WWOX: variants seen among roughly 807,000 people sequenced by gnomAD.
WWOX encodes the protein WW domain containing oxidoreductase, also known as WW domain-containing oxidoreductase.
A neutral mutation model predicts 46.2 loss-of-function variants in WWOX; 69 were observed. The ratio of observed to expected loss-of-function variants is 1.49; its 90% CI spans 1.23 to 1.82. WWOX has a LOEUF of 1.82. Among genes scored for constraint, WWOX ranks in the 40% most tolerant of loss-of-function variants. The probability of loss-of-function intolerance (pLI) is 0.00; values close to 1 mark genes in which losing one functional copy is unlikely to be tolerated. For synonymous variants in WWOX, 359 were observed against 202.6 expected, an observed-to-expected ratio of 1.77 and a Z score of -6.56; for missense variants, 919 against 542.6, an observed-to-expected ratio of 1.69 and a Z score of -6.89.
At chr16:78,395,784 C>G (rs1238024251) in intron 6 of WWOX, among the ~76,000 whole-genome samples, 2 of 149,976 alleles carry the variant, frequency 1.3e-5, no homozygotes, top group Non-Finnish European at 3.0e-5. Context: ...TTCTTTTTTG[C>G]TATTCTTTTG....
chr16:79,150,461 G>T (rs1223369334), intron 8 of WWOX, among the ~76,000 whole-genome samples: 1 of 152,114 alleles, frequency 6.6e-6, no homozygotes, highest in Non-Finnish European at 1.5e-5. Context: ...ATGATAAATG[G>T]TGCTAAATCT....
chr16:79,076,155 A>T (rs2150573918), intron 8 of WWOX, among the ~76,000 whole-genome samples: 1 of 152,360 alleles, frequency 6.6e-6, no homozygotes, highest in East Asian at 1.9e-4. Flanking sequence ...TCTCAAAGGA[A>T]TATTATGAGG....
chr16:78,754,422 G>T (rs1471015974), intron 8 of WWOX, among the ~76,000 whole-genome samples: 1 of 152,124 alleles, frequency 6.6e-6, no homozygotes, highest in African/African-American at 2.4e-5. Context: ...TTGTAGATCA[G>T]GGTTTTGAAG....
At position 78,479,783 on chromosome 16, in the gene WWOX, T is replaced by A. The variant is rs75743796; in HGVS notation, c.1056+47031T>A. Among the ~76,000 whole-genome samples the A allele has an allele frequency of 9.4e-3, 1,426 of 151,206 alleles. 27 individuals carry two copies. The highest frequency in any genetic ancestry group is 0.033 in the African/African-American group (1,357 of 41,130). On this transcript the variant is annotated intron_variant, in intron 8 of 8. Transcript: ENST00000566780. Reference sequence around the variant, plus strand: ...GTGGTCAAAGGCAGGATTCATGGAGTTTTCCAAGATAAGATTCAAGACCCA... The same window carrying A: ...GTGGTCAAAGGCAGGATTCATGGAGATTTCCAAGATAAGATTCAAGACCCA...
chr16:78,324,835 T>C (rs933757725), intron 5 of WWOX, among the ~76,000 whole-genome samples: 2 of 152,152 alleles, frequency 1.3e-5, no homozygotes, highest in Admixed American at 6.5e-5. Context: ...TGAAAATGTT[T>C]TGCAATTGTC....
chr16:78,938,962 T>G (rs968176889), intron 8 of WWOX, among the ~76,000 whole-genome samples: 2 of 152,082 alleles, frequency 1.3e-5, no homozygotes, highest in Admixed American at 1.3e-4. Flanking sequence ...AAAGGTAGAA[T>G]ATGAAGTGTA....
intron 5 of WWOX, among the ~76,000 whole-genome samples, chr16:78,208,113 T>G (rs1471245196): frequency 6.6e-6 from 1 of 152,216 alleles, no homozygotes; most frequent in Non-Finnish European, 1.5e-5. Flanking sequence ...CCATCTGGCC[T>G]CAGCAGTGCT....
In WWOX at chr16:78,831,901, G is replaced by A. The variant is rs999226539; in HGVS notation, c.1057-379707G>A. 4.6e-5 allele frequency among the ~76,000 whole-genome samples: 7 copies of A among 152,248 alleles called. 1 individual carries two copies. Among genetic ancestry groups the A allele is most frequent in the Admixed American group, 2.0e-4 (3 of 15,296 alleles). On this transcript the variant is annotated intron_variant, in intron 8 of 8. Transcript: ENST00000566780. ...AGGTTCGCATATTGGTGATCTCGTC[G>A]TAATTTTCTCAAATACCCTTCCTCT...
intron 5 of WWOX, among the ~76,000 whole-genome samples, chr16:78,375,873 A>G (rs1231077183): frequency 8.8e-6 from 1 of 113,664 alleles, no homozygotes; most frequent in Non-Finnish European, 1.8e-5. Flanking sequence ...TTTTTTTTTG[A>G]CGGAGTCTTG....
Position 78,715,510 on chromosome 16 carries a change from G to A in WWOX, c.1056+282758G>A, listed in dbSNP as rs138959689. Among the ~76,000 whole-genome samples, 787 of 136,574 alleles carry A rather than the reference G, an allele frequency of 5.8e-3. 3 individuals are homozygous for A. The highest frequency in any genetic ancestry group is 0.022 in the Middle Eastern group (6 of 274). The allele number at this position is 136,574 out of a possible 152,430, so 89.6% of individuals were successfully genotyped here. A position where few individuals can be genotyped will look rare whatever the true frequency, so the allele number is the denominator to read the frequency against. ...TTTTGTTTTTGTTTTTTAAGATGAA[G>A]CCTCACTCTGTTGTCCAGGCTGGAG... On this transcript the variant is annotated intron_variant, in intron 8 of 8. Coordinates refer to ENST00000566780, the MANE Select transcript of WWOX (RefSeq NM_016373.4).
intron 8 of WWOX, chr16:78,757,093 G>T (rs564504066): frequency 1.4e-6 from 1 of 691,244 alleles, no homozygotes; most frequent in Non-Finnish European, 2.6e-6. Flanking sequence ...CTGCAATCTT[G>T]ACTGGAACTT....
chr16:78,887,143 G>T (rs1337281417), intron 8 of WWOX, among the ~76,000 whole-genome samples: 3 of 141,788 alleles, frequency 2.1e-5, no homozygotes, highest in Non-Finnish European at 3.0e-5. Context: ...TGTATACCTA[G>T]TCTAGGGCTA....
intron 8 of WWOX, among the ~76,000 whole-genome samples, chr16:78,526,863 C>G (rs1177773687): frequency 6.6e-6 from 1 of 152,164 alleles, no homozygotes; most frequent in Admixed American, 6.5e-5. Flanking sequence ...CTGGTCTGGC[C>G]TGGCCCAGTG....
chr16:78,109,369 C>G (rs1249654997), intron 2 of WWOX, among the ~76,000 whole-genome samples: 1 of 151,974 alleles, frequency 6.6e-6, no homozygotes, highest in African/African-American at 2.4e-5. Context: ...TAGGATCCAG[C>G]TGAAGAATCA....
At chr16:78,971,918 C>T (rs1003639113) in intron 8 of WWOX, among the ~76,000 whole-genome samples, 3 of 152,154 alleles carry the variant, frequency 2.0e-5, no homozygotes, top group East Asian at 3.9e-4. Context: ...CTTGCAGGCT[C>T]TTTATGAGGA....
At chr16:78,571,197 C>G (rs562657803) in intron 8 of WWOX, among the ~76,000 whole-genome samples, 15 of 152,270 alleles carry the variant, frequency 9.9e-5, no homozygotes, top group East Asian at 3.9e-4. Context: ...GTTAATAATG[C>G]AGACAGCCTT....
At chr16:78,421,643 T>C (rs2082934589) in intron 6 of WWOX, among the ~76,000 whole-genome samples, 1 of 152,136 alleles carries the variant, frequency 6.6e-6, no homozygotes, top group Non-Finnish European at 1.5e-5. Context: ...CAGTGGCATA[T>C]GAAAAGGATG....
chr16:78,247,369 T>G (rs182452976), intron 5 of WWOX, among the ~76,000 whole-genome samples: 1 of 152,272 alleles, frequency 6.6e-6, no homozygotes, highest in East Asian at 1.9e-4. Flanking sequence ...CTAGTGGACA[T>G]GGTTCTCATT....
At chr16:78,930,499 C>T (rs772701739) in intron 8 of WWOX, among the ~76,000 whole-genome samples, 2 of 147,952 alleles carry the variant, frequency 1.4e-5, no homozygotes, top group African/African-American at 2.5e-5. Flanking sequence ...CCATGTTGCC[C>T]AGGCTGGTCT....
Sources: allele counts gnomAD v4.1 joint callset (sites outside exome capture counted in the v4.1 genomes callset), GRCh38; gene constraint gnomAD v4.1.1; transcripts MANE v1.5; gene names NCBI Gene and HGNC (gene_info 2026-07-23, HGNC 2026-07-21).